RBFOX1: variants seen among roughly 807,000 people sequenced by gnomAD.
The protein encoded by RBFOX1 is RNA binding protein fox-1 homolog 1.
RBFOX1 carries 8 observed loss-of-function variants against 57.7 expected under a neutral mutation model. The ratio of observed to expected loss-of-function variants is 0.14; its 90% CI spans 0.08 to 0.25. The LOEUF is 0.25. Among genes scored for constraint, RBFOX1 ranks in the 10% least tolerant of loss-of-function variants. The pLI is 1.00. For missense variants in RBFOX1, 611 were observed against 548.5 expected (o/e 1.11, Z -1.14); for synonymous variants, 326 against 222.4 (o/e 1.47, Z -4.15).
At chr16:6,874,684 A>G (rs540352285) in intron 3 of RBFOX1, among the ~76,000 whole-genome samples, 10 of 152,166 alleles carry the variant, frequency 6.6e-5, no homozygotes, top group Non-Finnish European at 1.0e-4. Flanking sequence ...CATTGTGTTA[A>G]TATACTAACA....
At chr16:6,441,056 C>A (rs2094367884) in intron 2 of RBFOX1, among the ~76,000 whole-genome samples, 1 of 151,996 alleles carries the variant, frequency 6.6e-6, no homozygotes, top group African/African-American at 2.4e-5. Flanking sequence ...ATGTTGAGTG[C>A]ACCGTCCAAG....
intron 3 of RBFOX1, among the ~76,000 whole-genome samples, chr16:6,985,318 T>A (rs965273873): frequency 1.3e-5 from 2 of 152,168 alleles, no homozygotes; most frequent in Non-Finnish European, 2.9e-5. Context: ...AATATTAATT[T>A]TATGATAGGT....
At chr16:7,439,110 C>T (rs1305756889) in intron 4 of RBFOX1, among the ~76,000 whole-genome samples, 4 of 152,172 alleles carry the variant, frequency 2.6e-5, no homozygotes, top group South Asian at 2.1e-4. Flanking sequence ...GCATGGTCCT[C>T]GCGCTGGCAA....
chr16:7,692,288 G>A (rs1441820163), intron 14 of RBFOX1, among the ~76,000 whole-genome samples: 3 of 152,094 alleles, frequency 2.0e-5, no homozygotes, highest in Non-Finnish European at 4.4e-5. Context: ...GAATTTAACT[G>A]AATGTGAAAT....
At chr16:6,980,394 C>T (rs2088422119) in intron 3 of RBFOX1, among the ~76,000 whole-genome samples, 1 of 152,132 alleles carries the variant, frequency 6.6e-6, no homozygotes, top group Admixed American at 6.6e-5. Context: ...CTTTTTCCTT[C>T]ATGAGAGTTT....
chr16:7,034,910 G>A (rs1181749581), intron 3 of RBFOX1, among the ~76,000 whole-genome samples: 1 of 127,014 alleles, frequency 7.9e-6, no homozygotes, highest in Non-Finnish European at 1.6e-5. Context: ...GTGCAGTGGC[G>A]TGATCTCTGT....
At chr16:6,498,258 A>AAC (rs1555505568) in intron 2 of RBFOX1, among the ~76,000 whole-genome samples, 1 of 149,042 alleles carries the variant, frequency 6.7e-6, no homozygotes, top group Admixed American at 6.7e-5. Context: ...TCTCAAAACA[A>AAC]AAAAAAAAAA....
chr16:7,575,191 G>T (rs952191702), intron 5 of RBFOX1, among the ~76,000 whole-genome samples: 1 of 152,080 alleles, frequency 6.6e-6, no homozygotes, highest in Non-Finnish European at 1.5e-5. Context: ...CTGGAGTGCA[G>T]TGGCACGATC....
chr16:5,427,584 C>CAAAACAAAAT (rs1235146806), intron 1 of RBFOX1, among the ~76,000 whole-genome samples: 2 of 27,272 alleles, frequency 7.3e-5, no homozygotes, highest in African/African-American at 2.7e-4. Context: ...GACTCTGTCT[C>CAAAACAAAAT]AAAACAAAAC....
chr16:7,546,630 G>C (rs1055978812), intron 5 of RBFOX1, among the ~76,000 whole-genome samples: 2 of 152,160 alleles, frequency 1.3e-5, no homozygotes, highest in African/African-American at 4.8e-5. Flanking sequence ...CTGCTATACT[G>C]TTTTGTGGAT....
At chr16:6,471,045 T>C (rs1424543126) in intron 2 of RBFOX1, among the ~76,000 whole-genome samples, 1 of 152,172 alleles carries the variant, frequency 6.6e-6, no homozygotes, top group East Asian at 1.9e-4. Context: ...CATTTTCTTA[T>C]AGAGGAATTA....
intron 6 of RBFOX1, among the ~76,000 whole-genome samples, chr16:7,583,627 T>C (rs1391692749): frequency 6.6e-6 from 1 of 152,146 alleles, no homozygotes; most frequent in Non-Finnish European, 1.5e-5. Context: ...TGACTACAGT[T>C]CTCAAATTTA....
At chr16:5,921,199 C>G (rs1299000919) in intron 4 of RBFOX1, among the ~76,000 whole-genome samples, 3 of 152,184 alleles carry the variant, frequency 2.0e-5, no homozygotes, top group African/African-American at 7.2e-5. Context: ...GCTAGAGAAA[C>G]AAGAGTTCTG....
At chr16:6,917,168 A>G (rs1458824868) in intron 3 of RBFOX1, among the ~76,000 whole-genome samples, 1 of 152,192 alleles carries the variant, frequency 6.6e-6, no homozygotes, top group Non-Finnish European at 1.5e-5. Context: ...GATTTTGTCC[A>G]CAGAGCAGAC....
chr16:6,039,442 C>T (rs573505057), intron 1 of RBFOX1, among the ~76,000 whole-genome samples: 6 of 151,646 alleles, frequency 4.0e-5, no homozygotes, highest in Non-Finnish European at 7.4e-5. Context: ...TATTTCCCTG[C>T]GTTAGCACCA....
intron 3 of RBFOX1, among the ~76,000 whole-genome samples, chr16:6,903,229 C>G (rs1031650714): frequency 2.0e-5 from 3 of 152,156 alleles, no homozygotes; most frequent in Non-Finnish European, 2.9e-5. Flanking sequence ...CAGCATTGCA[C>G]AAGCTATTTA....
chr16:5,555,528 G>C (rs903091311), intron 2 of RBFOX1, among the ~76,000 whole-genome samples: 3 of 152,028 alleles, frequency 2.0e-5, no homozygotes, highest in Non-Finnish European at 4.4e-5. Context: ...TGGGATTACA[G>C]GCATGAGCCA....
chr16:6,891,545 G>C (rs2065427231), intron 3 of RBFOX1, among the ~76,000 whole-genome samples: 1 of 152,168 alleles, frequency 6.6e-6, no homozygotes. Flanking sequence ...TTATTTATTA[G>C]TCTGTGATGG....
At chr16:5,801,706 G>C (rs979164214) in intron 3 of RBFOX1, among the ~76,000 whole-genome samples, 4 of 152,196 alleles carry the variant, frequency 2.6e-5, no homozygotes, top group African/African-American at 9.7e-5. Context: ...ATGTGCCTTT[G>C]ATAGAGATGA....
Sources: gnomAD v4.1 joint callset for allele counts (sites outside exome capture counted in the v4.1 genomes callset) on GRCh38, gnomAD v4.1.1 for gene constraint, MANE v1.5 for transcripts, NCBI Gene and HGNC (gene_info 2026-07-23, HGNC 2026-07-21) for gene names.